TRPM2: variants seen among roughly 807,000 people sequenced by gnomAD.
The protein encoded by TRPM2 is transient receptor potential cation channel subfamily M member 2, also known as estrogen-responsive element-associated gene 1 protein.
In TRPM2, 161 loss-of-function variants were observed where a neutral mutation model predicts 174.0. The observed-to-expected ratio is 0.93, with a 90% CI of 0.81 to 1.05. The LOEUF is 1.05. Ranked by LOEUF, TRPM2 falls within the 50% of genes least tolerant of loss-of-function variation. The pLI, the probability that TRPM2 is intolerant of heterozygous loss-of-function variation, is 0.00. For missense variants in TRPM2, 2,057 were observed against 2,038.0 expected, an observed-to-expected ratio of 1.01 and a Z score of -0.18; for synonymous variants, 954 against 861.3, an observed-to-expected ratio of 1.11 and a Z score of -1.88.
intron 19 of TRPM2, among the ~76,000 whole-genome samples, chr21:44,407,453 T>TTTG (rs1491101790): frequency 3.5e-4 from 8 of 22,646 alleles, no homozygotes; most frequent in African/African-American, 6.9e-4. Context: ...ATAGAAGGTT[T>TTTG]TTTTTTTTTT....
intron 22 of TRPM2, chr21:44,422,199 G>A (rs1271858743): frequency 1.5e-5 from 23 of 1,492,200 alleles, no homozygotes; most frequent in Middle Eastern, 2.3e-4. Context: ...CCTGGGAGGC[G>A]CATGAGTGTG....
At chr21:44,434,490 G>T (rs1042741137) in intron 27 of TRPM2, among the ~76,000 whole-genome samples, 11 of 152,040 alleles carry the variant, frequency 7.2e-5, no homozygotes, top group Admixed American at 6.5e-4. Flanking sequence ...CGCCCCCACC[G>T]CACGATAGCG....
Position 44,412,189 on chromosome 21 carries a change from T to G in TRPM2, c.2963-1702T>G, listed in dbSNP as rs186532555. 2.8e-3 allele frequency among the ~76,000 whole-genome samples: 420 copies of G among 152,328 alleles called. 1 individual carries two copies. The highest frequency in any genetic ancestry group is 9.4e-3 in the African/African-American group (391 of 41,578). ...AGTGGTTTTAATTCTTCCGTGAACATTTGGTAGAATTCACCAGTGAACTCC... is the reference window on the plus strand; with the variant it reads ...AGTGGTTTTAATTCTTCCGTGAACAGTTGGTAGAATTCACCAGTGAACTCC... On this transcript the variant is annotated intron_variant, in intron 19 of 31. Coordinates refer to ENST00000397928, the MANE Select transcript of TRPM2 (RefSeq NM_003307.4).
upstream of TRPM2, among the ~76,000 whole-genome samples, chr21:44,350,763 C>G (rs2047916406): frequency 6.6e-6 from 1 of 151,902 alleles, no homozygotes; most frequent in South Asian, 2.1e-4. Context: ...TGCGCAGAGG[C>G]GCGGGGCGCT....
At chr21:44,435,981 G>A (rs1198592770) in intron 28 of TRPM2, among the ~76,000 whole-genome samples, 1 of 150,578 alleles carries the variant, frequency 6.6e-6, no homozygotes, top group African/African-American at 2.5e-5. Context: ...CCCATCCACA[G>A]GGACACAGCC....
chr21:44,382,975 T>C (rs1019856675), intron 9 of TRPM2, among the ~76,000 whole-genome samples, 155 bp downstream of exon 9: 27 of 152,192 alleles, frequency 1.8e-4, no homozygotes, highest in Admixed American at 1.8e-3. Context: ...GACGTGCAGG[T>C]GGGCGCCTGC....
chr21:44,388,777 T>C (rs1440963399), intron 9 of TRPM2, among the ~76,000 whole-genome samples: 1 of 152,044 alleles, frequency 6.6e-6, no homozygotes, highest in African/African-American at 2.4e-5. Flanking sequence ...GCCTTATGAT[T>C]ATAAATATGA....
intron 19 of TRPM2, among the ~76,000 whole-genome samples, chr21:44,407,026 G>C (rs899993704): frequency 2.0e-5 from 3 of 149,606 alleles, no homozygotes; most frequent in African/African-American, 7.4e-5. Flanking sequence ...GAGGGCACCT[G>C]GGGCATCAGC....
rs1031976246 is a variant in TRPM2, at chr21:44,376,199, G to C, written c.952+186G>C. Among the ~76,000 whole-genome samples, 3 of 152,182 alleles carry C rather than the reference G, an allele frequency of 2.0e-5. No individual in the cohort carries two copies. Among genetic ancestry groups the C allele is most frequent in the African/African-American group, 7.2e-5 (3 of 41,444 alleles). On this transcript the variant is annotated intron_variant, in intron 6 of 31. Transcript: ENST00000397928. This position sits in a 1 kb window ranked among gnomAD's most constrained non-coding sequence, Gnocchi z 4.2. ...TTCGTGGCACTCGGCAGAGAGCGCG[G>C]TGAGCTGGTCAGACTGTCAGGTACA...
Position 44,424,946 on chromosome 21 carries a change from G to T in TRPM2, c.3637+7G>T. 1.3e-6 allele frequency: 2 copies of T among 1,594,706 alleles called. No individual in the cohort carries two copies. The highest frequency in any genetic ancestry group is 2.3e-5 in the East Asian group (1 of 44,184). ...GCGGACGTCCCCACTCTGGGTGAGT[G>T]GGTGGCCAGGCCAGCAGCTGGTCTC... On this transcript the variant is annotated splice_region_variant and intron_variant, in intron 24 of 31. Transcript: ENST00000397928.
chr21:44,427,248 A>G, intron 27 of TRPM2, 137 bp downstream of exon 27: 1 of 757,790 alleles, frequency 1.3e-6, no homozygotes. Context: ...GAAAGGAAGA[A>G]AACATCAACT....
At chr21:44,436,808 T>A (rs2051287641) in intron 28 of TRPM2, among the ~76,000 whole-genome samples, 1 of 152,090 alleles carries the variant, frequency 6.6e-6, no homozygotes, top group South Asian at 2.1e-4. Context: ...AGGATTTTAA[T>A]GTTTAAAAAA....
intron 28 of TRPM2, among the ~76,000 whole-genome samples, chr21:44,435,472 T>C (rs1255009096): frequency 1.3e-5 from 2 of 151,942 alleles, no homozygotes; most frequent in African/African-American, 4.8e-5. Flanking sequence ...TGCCTTCACT[T>C]TCCTGCCGGT....
chr21:44,406,791 C>G lies in TRPM2; in HGVS notation c.2962+26C>G, dbSNP rs896521103. On this transcript the variant is annotated intron_variant, in intron 19 of 31. Transcript: ENST00000397928. ...GTAGGAGCCGGGCGCCATGGGAGCT[C>G]GGGTGGTGCTGCCGGGAAGCAGGAG... is the stretch of plus-strand genomic sequence containing the variant. 3.8e-6 allele frequency: 6 copies of G among 1,581,404 alleles called. No individual in the cohort carries two copies. The Admixed American group carries it at 1.1e-4, about 29-fold the overall frequency.
Position 44,410,137 on chromosome 21 carries a change from G to A in TRPM2, c.2962+3372G>A, listed in dbSNP as rs112563995. 4.3e-4 allele frequency among the ~76,000 whole-genome samples: 34 copies of A among 79,378 alleles called. 3 individuals are homozygous for A. The highest frequency in any genetic ancestry group is 1.0e-3 in the African/African-American group (26 of 24,830). The allele number at this position is 79,378 out of a possible 152,430, so 52.1% of individuals were successfully genotyped here. On this transcript the variant is annotated intron_variant, in intron 19 of 31. Transcript: ENST00000397928. ...CGTAGCCTTGTAGTAAGTTTTGACC[G>A]CACTGTCTTGGTGAGCGTAGCCTTG...
chr21:44,428,933 G>A (rs551115775), intron 27 of TRPM2, among the ~76,000 whole-genome samples: 54 of 152,362 alleles, frequency 3.5e-4, no homozygotes, highest in African/African-American at 8.2e-4. Flanking sequence ...TTGCCACAGC[G>A]TTGCAGTAAT....
intron 20 of TRPM2, chr21:44,414,784 G>A (rs1016837105): frequency 3.9e-5 from 6 of 152,190 alleles, no homozygotes; most frequent in Non-Finnish European, 8.8e-5. Context: ...TAGGTCTCGT[G>A]TGCACATTTG....
Position 44,376,659 on chromosome 21 carries a change from G to T in TRPM2, c.952+646G>T, listed in dbSNP as rs1054939331. ...TTTCCTCATAGGTGGGATGGGATGG[G>T]TTTGAGGACGTCGGGAGGTCAAGTG... is the stretch of plus-strand genomic sequence containing the variant. On this transcript the variant is annotated intron_variant, in intron 6 of 31. Coordinates refer to ENST00000397928, the MANE Select transcript of TRPM2 (RefSeq NM_003307.4). This position sits in a 1 kb window ranked among gnomAD's most constrained non-coding sequence, Gnocchi z 4.2. 1.7e-4 allele frequency among the ~76,000 whole-genome samples: 26 copies of T among 152,202 alleles called. No individual in the cohort carries two copies. The highest frequency in any genetic ancestry group is 6.3e-4 in the African/African-American group (26 of 41,458).
intron 9 of TRPM2, among the ~76,000 whole-genome samples, chr21:44,389,975 C>G (rs1389623145): frequency 1.3e-5 from 2 of 151,576 alleles, no homozygotes; most frequent in Non-Finnish European, 2.9e-5. Context: ...TGGGTTCACA[C>G]CATTCTCCAG....
Sources: allele counts gnomAD v4.1 joint callset (sites outside exome capture counted in the v4.1 genomes callset), GRCh38; gene constraint gnomAD v4.1.1; non-coding constraint Gnocchi (gnomAD v3.1); transcripts MANE v1.5; gene names NCBI Gene and HGNC (gene_info 2026-07-23, HGNC 2026-07-21).